The following KAT14 variants were observed in gnomAD, a reference collection of about 807,000 sequenced individuals.
KAT14 encodes the protein lysine acetyltransferase 14.
Under a neutral mutation model 78.4 loss-of-function variants are expected in KAT14, and 66 were observed. That is an observed-to-expected ratio of 0.84 (90% CI 0.69 to 1.03). KAT14 has a LOEUF of 1.03. Ranked by LOEUF, KAT14 falls within the 50% of genes least tolerant of loss-of-function variation. The probability of loss-of-function intolerance (pLI) is 0.00; values close to 1 mark genes in which losing one functional copy is unlikely to be tolerated. For missense variants in KAT14, 870 were observed against 972.5 expected, an observed-to-expected ratio of 0.89 and a Z score of 1.40; for synonymous variants, 344 against 359.4, an observed-to-expected ratio of 0.96 and a Z score of 0.48.
intron 4 of KAT14, among the ~76,000 whole-genome samples, chr20:18,158,098 A>G (rs1178316748): frequency 1.3e-5 from 2 of 152,194 alleles, no homozygotes; most frequent in South Asian, 2.1e-4. Context: ...CACCACACCC[A>G]GCTAATTTTG....
At chr20:18,184,539 G>C in intron 9 of KAT14, 63 bp from the exon 10 acceptor site, 1 of 1,442,842 alleles carries the variant, frequency 6.9e-7, no homozygotes, top group South Asian at 1.3e-5. Flanking sequence ...ATGCTGAACA[G>C]CTTGGTGTTC....
chr20:18,143,501 T>C (rs2037671621), intron 2 of KAT14, among the ~76,000 whole-genome samples: 1 of 151,892 alleles, frequency 6.6e-6, no homozygotes, highest in Non-Finnish European at 1.5e-5. Context: ...AGTTTTGCTT[T>C]TGTTGCCCAG....
At chr20:18,141,023 AT>A (rs67633205) in intron 1 of KAT14, among the ~76,000 whole-genome samples, 2 of 48,748 alleles carry the variant, frequency 4.1e-5, no homozygotes, top group Non-Finnish European at 6.5e-5. Flanking sequence ...ACTCCCTGCA[AT>A]TTTTTTTTTT....
rs563009069 is a variant in KAT14 at position 18,176,925 on chromosome 20, G to A, written c.1669-4785G>A. On this transcript the variant is annotated intron_variant, in intron 7 of 10. Transcript: ENST00000688188. The stretch of plus-strand genomic sequence containing the variant: ...GACCAATGGGAGGCAGTTGATCCAG[G>A]CAGCATTGGGAGTGGTTTACACTAG... Among the ~76,000 whole-genome samples, 6 of 152,312 alleles carry A rather than the reference G, an allele frequency of 3.9e-5. No individual in the cohort carries two copies. The South Asian group carries it at 1.2e-3, about 32-fold the overall frequency.
intron 7 of KAT14, among the ~76,000 whole-genome samples, chr20:18,178,973 C>G (rs1328215389): frequency 6.6e-6 from 1 of 152,176 alleles, no homozygotes; most frequent in Non-Finnish European, 1.5e-5. Flanking sequence ...TGGGTAAATA[C>G]AGCAGTTCTA....
intron 7 of KAT14, among the ~76,000 whole-genome samples, chr20:18,173,337 C>T (rs993197805): frequency 6.6e-6 from 1 of 152,232 alleles, no homozygotes; most frequent in African/African-American, 2.4e-5. Flanking sequence ...GCTCTGCTCC[C>T]GTGTGCTGTG....
intron 4 of KAT14, among the ~76,000 whole-genome samples, chr20:18,155,678 A>G (rs1288043143): frequency 6.6e-6 from 1 of 152,222 alleles, no homozygotes; most frequent in Non-Finnish European, 1.5e-5. Flanking sequence ...TGCAAATCAA[A>G]TCTATAACAC....
chr20:18,140,216 G>A (rs1355010923), intron 1 of KAT14, among the ~76,000 whole-genome samples: 1 of 151,986 alleles, frequency 6.6e-6, no homozygotes, highest in Non-Finnish European at 1.5e-5. Context: ...GGTGTAAGAA[G>A]CACAGGACAG....
chr20:18,143,615 A>G lies in KAT14; in HGVS notation c.259+696A>G, dbSNP rs1243594414. On this transcript the variant is annotated intron_variant, in intron 2 of 10. Transcript: ENST00000688188. ...TAGTGTTTGCCAGCACACCTGGCTA[A>G]TTTTTTTTTTTATTTTATTTTTTTT... Among the ~76,000 whole-genome samples the G allele has an allele frequency of 1.9e-5, 2 of 103,998 alleles. 1 individual carries two copies. Among genetic ancestry groups the G allele is most frequent in the Non-Finnish European group, 4.0e-5 (2 of 50,120 alleles). The allele number at this position is 103,998 out of a possible 152,430, so 68.2% of individuals were successfully genotyped here.
rs367923868 is a variant in KAT14 at position 18,162,573 on chromosome 20, A to C, written c.1296A>C (p.Ser432=). ...ATATTGACAGTGAAGACACAGATTC[A>C]AACACATCTTTGCAAACAAGGGCTA... ...RMDIDSEDTD[S]NTSLQTRARE... Residue 432 remains serine, a synonymous_variant, in exon 7 of 11, where the codon TCA becomes TCC. Transcript: ENST00000688188. 9.3e-6 allele frequency: 15 copies of C among 1,614,206 alleles called. No individual in the cohort carries two copies. The highest frequency in any genetic ancestry group is 1.3e-5 in the Non-Finnish European group (15 of 1,180,030).
intron 4 of KAT14, 93 bp from the exon 5 acceptor site, chr20:18,158,991 A>G (rs1482837186): frequency 1.4e-6 from 2 of 1,409,656 alleles, no homozygotes. Context: ...GTGCCATTGC[A>G]TGTTGCAGGC....
At chr20:18,158,305 A>G (rs2038294116) in intron 4 of KAT14, among the ~76,000 whole-genome samples, 1 of 152,182 alleles carries the variant, frequency 6.6e-6, no homozygotes, top group South Asian at 2.1e-4. Context: ...TTCTATTAAT[A>G]TTACGTCTCT....
At position 18,142,862 on chromosome 20, in the gene KAT14, TGGATGGAGGA is replaced by T; in HGVS notation, c.204_213del (p.Trp68CysfsTer19). On this transcript the variant is annotated frameshift_variant, in exon 2 of 11. Coordinates refer to ENST00000688188, the MANE Select transcript of KAT14 (RefSeq NM_001392073.1). LOFTEE classifies it high-confidence loss of function. ...CAACAGTGATGAAGGAGACGTGTCTTGGATGGAGGAGCAGCTGTCCTACTTCTGTGACAAG... is the reference window on the plus strand; with the variant it reads ...CAACAGTGATGAAGGAGACGTGTCTTGCAGCTGTCCTACTTCTGTGACAAG... The T allele has an allele frequency of 6.2e-7, 1 of 1,614,180 alleles. No individual in the cohort carries two copies. Among genetic ancestry groups the T allele is most frequent in the Non-Finnish European group, 8.5e-7 (1 of 1,180,036 alleles).
chr20:18,165,959 C>T (rs994223385), intron 7 of KAT14, among the ~76,000 whole-genome samples: 10 of 151,974 alleles, frequency 6.6e-5, no homozygotes, highest in Non-Finnish European at 1.2e-4. Context: ...ACAAGCTGAG[C>T]GTAGATAAGA....
Position 18,141,051 on chromosome 20 carries a change from T to TTTTTTTTTTTTG in KAT14, c.-453-1156_-453-1155insTTTTTTTTTTGT, listed in dbSNP as rs58888387. ...TTTTTTTTTTTTTTTTTTTTTATTT[T>TTTTTTTTTTTTG]TATTTTTGCTAGAGATGGGATTTTG... On this transcript the variant is annotated intron_variant, in intron 1 of 10. Transcript: ENST00000688188. Among the ~76,000 whole-genome samples the TTTTTTTTTTTTG allele has an allele frequency of 2.0e-3, 215 of 109,664 alleles. 2 individuals carry two copies. The highest frequency in any genetic ancestry group is 3.0e-3 in the East Asian group (9 of 3,022). The allele number at this position is 109,664 out of a possible 152,430, so 71.9% of individuals were successfully genotyped here. A position where few individuals can be genotyped will look rare whatever the true frequency, so the allele number is the denominator to read the frequency against.
Position 18,137,887 on chromosome 20 carries a change from T to C in KAT14, c.-618T>C. On this transcript the variant is annotated 5_prime_UTR_variant, in exon 1 of 11. Coordinates refer to ENST00000688188, the MANE Select transcript of KAT14 (RefSeq NM_001392073.1). ...CGAGCCTGGGCAGTACAGGCGGCGGTGCGCACTCTGCGGCGGCCTCTGCGC... is the reference window on the plus strand; with the variant it reads ...CGAGCCTGGGCAGTACAGGCGGCGGCGCGCACTCTGCGGCGGCCTCTGCGC... 1 of 1,407,784 alleles carries C rather than the reference T, an allele frequency of 7.1e-7. No individual in the cohort carries two copies. The allele number at this position is 1,407,784 out of a possible 1,614,324, so 87.2% of individuals were successfully genotyped here. A position where few individuals can be genotyped will look rare whatever the true frequency, so the allele number is the denominator to read the frequency against.
At chr20:18,173,625 C>CT (rs11475865) in intron 7 of KAT14, among the ~76,000 whole-genome samples, 65 of 139,966 alleles carry the variant, frequency 4.6e-4, no homozygotes, top group Middle Eastern at 3.6e-3. Flanking sequence ...ACCATTACTT[C>CT]TTTTTTTTTT....
In KAT14 at chr20:18,137,946, C is replaced by A; in HGVS notation, c.-559C>A. 7 of 1,480,118 alleles carry A rather than the reference C, an allele frequency of 4.7e-6. No homozygotes were observed. The highest frequency in any genetic ancestry group is 2.5e-5 in the South Asian group (2 of 78,984). 91.7% of individuals were successfully genotyped at this position (1,480,118 alleles called of 1,614,324 possible). On this transcript the variant is annotated 5_prime_UTR_variant, in exon 1 of 11. Coordinates refer to ENST00000688188, the MANE Select transcript of KAT14 (RefSeq NM_001392073.1). Reference sequence around the variant, plus strand: ...GGCGGGAGAGAGAGGCCGCGGCCGCCAGCGTGGGGATGTCTAGGAGCTCGA... The same window carrying A: ...GGCGGGAGAGAGAGGCCGCGGCCGCAAGCGTGGGGATGTCTAGGAGCTCGA...
At position 18,183,864 on chromosome 20, in the gene KAT14, T is replaced by G. The variant is rs149126734; in HGVS notation, c.1981+566T>G. Among the ~76,000 whole-genome samples the G allele has an allele frequency of 1.2e-3, 181 of 152,366 alleles. 1 individual carries two copies. Among genetic ancestry groups the G allele is most frequent in the Admixed American group, 2.0e-3 (30 of 15,306 alleles). ...GCATTGCTAAATATAAACTATTCTT[T>G]GTGGATCTGCTTTCCCACGCTGCCT... On this transcript the variant is annotated intron_variant, in intron 9 of 10. Transcript: ENST00000688188.
Sources: gnomAD v4.1 joint callset for allele counts (sites outside exome capture counted in the v4.1 genomes callset) on GRCh38, gnomAD v4.1.1 for gene constraint, MANE v1.5 for transcripts, NCBI Gene and HGNC (gene_info 2026-07-23, HGNC 2026-07-21) for gene names.